The following RHPN2 variants were observed in gnomAD, a reference collection of about 807,000 sequenced individuals.
RHPN2 encodes the protein rhophilin Rho GTPase binding protein 2.
A neutral mutation model predicts 79.0 loss-of-function variants in RHPN2; 40 were observed. The ratio of observed to expected loss-of-function variants is 0.51; its 90% confidence interval spans 0.39 to 0.66. RHPN2 has a LOEUF of 0.66. Among genes scored for constraint, RHPN2 ranks in the 30% least tolerant of loss-of-function variants. The probability of loss-of-function intolerance (pLI) is 0.00; values close to 1 mark genes in which losing one functional copy is unlikely to be tolerated. For synonymous variants in RHPN2, 285 were observed against 363.5 expected (o/e 0.78, Z 2.46); for missense variants, 686 against 883.5 (o/e 0.78, Z 2.83).
chr19:32,985,487 A>G (rs1226689368), intron 14 of RHPN2, among the ~76,000 whole-genome samples: 1 of 152,100 alleles, frequency 6.6e-6, no homozygotes, highest in Middle Eastern at 3.2e-3. Context: ...AATACGAAAA[A>G]TTAGCTGGGT....
At chr19:33,031,721 G>A (rs888507687) in intron 2 of RHPN2, among the ~76,000 whole-genome samples, 4 of 149,664 alleles carry the variant, frequency 2.7e-5, no homozygotes, top group Non-Finnish European at 5.9e-5. Flanking sequence ...AGATGGAGTC[G>A]CCCAGGCTGG....
chr19:33,061,225 CTTTTTTTTTT>C (rs35377340), intron 1 of RHPN2, among the ~76,000 whole-genome samples: 1 of 120,596 alleles, frequency 8.3e-6, no homozygotes, highest in African/African-American at 3.6e-5. Flanking sequence ...ACCTGCCTTT[CTTTTTTTTTT>C]TTTTTTTTTT....
In RHPN2 at chr19:33,023,952, GC is replaced by G. The variant is rs747696976; in HGVS notation, c.315-2307del. The stretch of plus-strand genomic sequence containing the variant: ...AGACCTTCGGTTCACTCTGTGGGAA[GC>G]CCTGTGTTGCACGTCCCTGCTCTTC... On this transcript the variant is annotated intron_variant, in intron 3 of 14. Transcript: ENST00000254260. 1.2e-4 allele frequency among the ~76,000 whole-genome samples: 19 copies of G among 152,314 alleles called. No individual in the cohort carries two copies. The East Asian group carries it at 1.5e-3, about 12-fold the overall frequency.
chr19:33,042,291 T>C (rs1413733702), intron 2 of RHPN2, among the ~76,000 whole-genome samples: 1 of 151,966 alleles, frequency 6.6e-6, no homozygotes, highest in Non-Finnish European at 1.5e-5. Flanking sequence ...ACCTGCCCCC[T>C]TGGCCACAGA....
chr19:33,038,984 C>A (rs1419762019), intron 2 of RHPN2, among the ~76,000 whole-genome samples: 1 of 151,932 alleles, frequency 6.6e-6, no homozygotes, highest in African/African-American at 2.4e-5. Context: ...TAAAGTAATA[C>A]ATGTGTATGT....
chr19:32,998,704 G>GAC (rs1464674756), intron 10 of RHPN2, among the ~76,000 whole-genome samples: 2 of 145,978 alleles, frequency 1.4e-5, no homozygotes, highest in African/African-American at 5.1e-5. Flanking sequence ...ATGGGGAGGA[G>GAC]AGAGAGAGAA....
rs369320763 is a variant in RHPN2 at position 33,010,327 on chromosome 19, A to T, written c.593+1352T>A. On this transcript the variant is annotated intron_variant, in intron 6 of 14. Coordinates refer to ENST00000254260, the MANE Select transcript of RHPN2 (RefSeq NM_033103.5). ...TAGGATGTGTTCTCCTTTCACTGAC[A>T]CTCCTAACGACACTCAGAGAAGGGG... Among the ~76,000 whole-genome samples, 27 of 149,066 alleles carry T rather than the reference A, an allele frequency of 1.8e-4. No homozygotes were observed. The South Asian group carries it at 5.6e-3, about 31-fold the overall frequency.
intron 5 of RHPN2, among the ~76,000 whole-genome samples, chr19:33,012,419 C>T (rs1163291635): frequency 1.3e-5 from 2 of 152,016 alleles, no homozygotes; most frequent in Non-Finnish European, 2.9e-5. Flanking sequence ...TCAGGTGATC[C>T]GCCCACCTCC....
chr19:32,980,402 G>C, intron 14 of RHPN2, 146 bp from the exon 15 acceptor site: 7 of 889,746 alleles, frequency 7.9e-6, no homozygotes, highest in Non-Finnish European at 3.7e-6. Context: ...GAGGTCAGGA[G>C]TTCAAGACCA....
At chr19:33,022,267 G>A (rs1047594590) in intron 3 of RHPN2, among the ~76,000 whole-genome samples, 4 of 152,076 alleles carry the variant, frequency 2.6e-5, no homozygotes, top group African/African-American at 9.7e-5. Context: ...TGCTTCTTTC[G>A]GCAGCTGTGC....
chr19:33,056,008 T>C (rs545406167), intron 1 of RHPN2, among the ~76,000 whole-genome samples: 1 of 152,018 alleles, frequency 6.6e-6, no homozygotes, highest in South Asian at 2.1e-4. Context: ...ACTCTCCTCT[T>C]CCACATAGTG....
rs1268581629 is a variant in RHPN2, at chr19:33,032,445, C to T, written c.186-5813G>A. ...GTAGGGAGGAGCTGAAATTTCCAGC[C>T]CTCTCACCATGGCTTGTGCTTTCTG... On this transcript the variant is annotated intron_variant, in intron 2 of 14. Transcript: ENST00000254260. Among the ~76,000 whole-genome samples, 4 of 152,184 alleles carry T rather than the reference C, an allele frequency of 2.6e-5. No homozygotes were observed. The East Asian group carries it at 7.7e-4, about 29-fold the overall frequency.
At chr19:33,059,126 G>A (rs1405601835) in intron 1 of RHPN2, among the ~76,000 whole-genome samples, 1 of 151,752 alleles carries the variant, frequency 6.6e-6, no homozygotes, top group Non-Finnish European at 1.5e-5. Flanking sequence ...AAGATGGGAA[G>A]CCTCATGGGT....
chr19:33,042,790 T>C (rs1972110420), intron 2 of RHPN2, among the ~76,000 whole-genome samples: 1 of 151,506 alleles, frequency 6.6e-6, no homozygotes, highest in Admixed American at 6.6e-5. Context: ...AAAAAATCAG[T>C]CGGGCATTGG....
At chr19:32,993,912 C>T (rs1448617190) in intron 12 of RHPN2, 65 bp downstream of exon 12, 10 of 1,202,686 alleles carry the variant, frequency 8.3e-6, no homozygotes, top group Admixed American at 5.1e-5. Context: ...GACTAAGACA[C>T]CATACTCGCC....
At chr19:33,025,948 A>G (rs1484714831) in intron 3 of RHPN2, among the ~76,000 whole-genome samples, 1 of 150,454 alleles carries the variant, frequency 6.6e-6, no homozygotes, top group Non-Finnish European at 1.5e-5. Flanking sequence ...CTCATCACGT[A>G]TATTTACACT....
intron 14 of RHPN2, among the ~76,000 whole-genome samples, chr19:32,983,123 T>C (rs998508138): frequency 2.3e-4 from 33 of 142,562 alleles, no homozygotes; most frequent in Non-Finnish European, 3.5e-4. Flanking sequence ...TCACATTCTT[T>C]GAAAAGCTTT....
In RHPN2 at chr19:33,012,689, A is replaced by G; in HGVS notation, c.426T>C (p.Tyr142=). 1 of 1,606,848 alleles carries G rather than the reference A, an allele frequency of 6.2e-7. No individual in the cohort carries two copies. The part of the protein sequence containing the change: ...FILEHYSEDG[Y]LYEDEIADLM... ...GATCTGCAATTTCATCTTCATATAA[A>G]TAGCCATCTTCACTGTAATGTTCCA... Residue 142 remains tyrosine (Y), a synonymous_variant, in exon 5 of 15, where the codon TAT becomes TAC. Transcript: ENST00000254260.
intron 4 of RHPN2, among the ~76,000 whole-genome samples, chr19:33,014,055 T>A (rs1342815236): frequency 1.3e-5 from 2 of 151,808 alleles, no homozygotes; most frequent in Non-Finnish European, 1.5e-5. Context: ...TTGTGTTTTT[T>A]AATAGAGATG....
Sources: gnomAD v4.1 joint callset for allele counts (sites outside exome capture counted in the v4.1 genomes callset) on GRCh38, gnomAD v4.1.1 for gene constraint, MANE v1.5 for transcripts, NCBI Gene and HGNC (gene_info 2026-07-23, HGNC 2026-07-21) for gene names.